CCDC175: variants seen among roughly 807,000 people sequenced by gnomAD.
CCDC175 encodes coiled-coil domain containing 175, also known as coiled-coil domain-containing protein 175.
CCDC175 carries 100 observed loss-of-function variants against 114.6 expected under a neutral mutation model. The observed-to-expected ratio is 0.87, with a 90% CI of 0.74 to 1.03. The LOEUF (loss-of-function observed/expected upper bound fraction) is 1.03, where lower values mean the gene tolerates loss of function less well. Among genes scored for constraint, CCDC175 ranks in the 50% least tolerant of loss-of-function variants. The pLI is 0.00. For synonymous variants in CCDC175, 306 were observed against 308.7 expected (o/e 0.99, Z 0.09); for missense variants, 880 against 917.8 (o/e 0.96, Z 0.53).
chr14:59,573,070 T>C (rs1896926293), intron 2 of CCDC175, among the ~76,000 whole-genome samples: 1 of 152,156 alleles, frequency 6.6e-6, no homozygotes, highest in Non-Finnish European at 1.5e-5. Context: ...ATCTGTTTCT[T>C]ATATGCAGTT....
At chr14:59,552,565 C>A (rs1265471757) in intron 7 of CCDC175, among the ~76,000 whole-genome samples, 1 of 152,148 alleles carries the variant, frequency 6.6e-6, no homozygotes, top group African/African-American at 2.4e-5. Context: ...GAGCACCTCC[C>A]CCCCTCCAAA....
chr14:59,510,451 G>A (rs1856584648), intron 19 of CCDC175, 195 bp downstream of exon 19: 1 of 527,958 alleles, frequency 1.9e-6, no homozygotes, highest in Non-Finnish European at 3.4e-6. Flanking sequence ...ATTCTCTTAG[G>A]TGAAAGGCAG....
intron 18 of CCDC175, among the ~76,000 whole-genome samples, chr14:59,511,136 T>G (rs918338686): frequency 6.6e-5 from 10 of 152,280 alleles, no homozygotes; most frequent in Non-Finnish European, 1.5e-4. Flanking sequence ...CAGAAGGAAC[T>G]TTGGAATCAG....
intron 15 of CCDC175, among the ~76,000 whole-genome samples, chr14:59,526,749 A>C (rs927944660): frequency 1.3e-5 from 2 of 152,180 alleles, no homozygotes; most frequent in African/African-American, 4.8e-5. Context: ...ACCCTTAAAA[A>C]GCAGAATCAA....
Position 59,572,689 on chromosome 14 carries a change from A to G in CCDC175, c.355+13T>C, listed in dbSNP as rs1480512450. On this transcript the variant is annotated intron_variant, in intron 3 of 19. Coordinates refer to ENST00000537690, the MANE Select transcript of CCDC175 (RefSeq NM_001164399.2). Reference sequence around the variant, plus strand: ...ATCAACTAAATTTCTAGAGTTGATAACCTCAAAAGTACCTTCCAATTCCCT... The same window carrying G: ...ATCAACTAAATTTCTAGAGTTGATAGCCTCAAAAGTACCTTCCAATTCCCT... 7.3e-7 allele frequency: 1 copy of G among 1,369,582 alleles called. No individual in the cohort carries two copies. Among genetic ancestry groups the G allele is most frequent in the Non-Finnish European group, 9.7e-7 (1 of 1,028,880 alleles). The allele number at this position is 1,369,582 out of a possible 1,614,324, so 84.8% of individuals were successfully genotyped here.
chr14:59,529,083 G>A (rs1387438629), intron 14 of CCDC175, among the ~76,000 whole-genome samples: 2 of 152,168 alleles, frequency 1.3e-5, no homozygotes, highest in Admixed American at 1.3e-4. Context: ...TCAATATACA[G>A]TGATCAGGAA....
intron 13 of CCDC175, among the ~76,000 whole-genome samples, chr14:59,533,014 A>G (rs1005199437): frequency 1.3e-5 from 2 of 152,238 alleles, no homozygotes; most frequent in Non-Finnish European, 2.9e-5. Flanking sequence ...TTAGCAGGGC[A>G]GTGCCAGGCA....
At chr14:59,535,602 G>T (rs552037378) in intron 13 of CCDC175, among the ~76,000 whole-genome samples, 1 of 152,240 alleles carries the variant, frequency 6.6e-6, no homozygotes, top group East Asian at 1.9e-4. Flanking sequence ...CTCCCTAATT[G>T]TTCTTCCTAT....
rs1362445752 is a variant in CCDC175, at chr14:59,505,152, A to G, written c.*87T>C. 1.7e-6 allele frequency: 1 copy of G among 588,138 alleles called. No individual in the cohort carries two copies. Among genetic ancestry groups the G allele is most frequent in the Non-Finnish European group, 2.8e-6 (1 of 359,314 alleles). The allele number at this position is 588,138 out of a possible 1,614,324, so 36.4% of individuals were successfully genotyped here. ...TAAATTTTAAATGTTTAAGACTTCTATTAACAGCTGCAAAATATGAAAGTA... is the reference window on the plus strand; with the variant it reads ...TAAATTTTAAATGTTTAAGACTTCTGTTAACAGCTGCAAAATATGAAAGTA... On this transcript the variant is annotated 3_prime_UTR_variant, in exon 20 of 20. Transcript: ENST00000537690.
At chr14:59,553,398 A>C (rs1895651987) in intron 7 of CCDC175, among the ~76,000 whole-genome samples, 1 of 152,358 alleles carries the variant, frequency 6.6e-6, no homozygotes, top group African/African-American at 2.4e-5. Context: ...AAAATCCTTT[A>C]CAGACAAGCA....
chr14:59,505,548 G>A (rs1273284650), intron 19 of CCDC175: 1 of 300,006 alleles, frequency 3.3e-6, no homozygotes, highest in African/African-American at 2.2e-5. Context: ...TAGCAGAAAA[G>A]TATATATGCA....
At chr14:59,542,849 A>G (rs752198959) in intron 10 of CCDC175, among the ~76,000 whole-genome samples, 1 of 152,092 alleles carries the variant, frequency 6.6e-6, no homozygotes, top group Non-Finnish European at 1.5e-5. Context: ...GTATAATCCA[A>G]TTTTTGGATA....
intron 17 of CCDC175, among the ~76,000 whole-genome samples, chr14:59,512,419 C>T (rs906229122): frequency 7.9e-5 from 12 of 152,214 alleles, no homozygotes; most frequent in African/African-American, 2.9e-4. Flanking sequence ...CTGGGTGAGC[C>T]TCCCTGGTTG....
intron 6 of CCDC175, 33 bp from the exon 7 acceptor site, chr14:59,561,261 A>G (rs745573911): frequency 8.6e-7 from 1 of 1,168,748 alleles, no homozygotes; most frequent in South Asian, 1.3e-5. Context: ...ATGGCATCCA[A>G]TCATCACCAA....
intron 4 of CCDC175, 141 bp from the exon 5 acceptor site, chr14:59,565,416 G>T: frequency 1.3e-6 from 1 of 765,106 alleles, no homozygotes; most frequent in Non-Finnish European, 2.0e-6. Flanking sequence ...GTCTAAACTT[G>T]GTTGAAGGCC....
At chr14:59,534,976 T>C (rs986214456) in intron 13 of CCDC175, among the ~76,000 whole-genome samples, 6 of 152,280 alleles carry the variant, frequency 3.9e-5, no homozygotes, top group Middle Eastern at 3.4e-3. Flanking sequence ...TTGGGTTCTG[T>C]TGATTTAGAG....
At chr14:59,517,424 T>C (rs528053537) in intron 17 of CCDC175, among the ~76,000 whole-genome samples, 10 of 152,286 alleles carry the variant, frequency 6.6e-5, no homozygotes, top group African/African-American at 1.7e-4. Flanking sequence ...GAAAACCCCA[T>C]TGTCTCAGCC....
chr14:59,550,625 C>T (rs1470392908), intron 8 of CCDC175, among the ~76,000 whole-genome samples: 3 of 152,082 alleles, frequency 2.0e-5, no homozygotes, highest in Admixed American at 6.6e-5. Flanking sequence ...CCACAATAGG[C>T]CATCTGCAAG....
intron 18 of CCDC175, 98 bp downstream of exon 18, chr14:59,511,662 G>T: frequency 2.1e-6 from 2 of 961,524 alleles, no homozygotes; most frequent in South Asian, 1.4e-5. Flanking sequence ...GTGCATGCAG[G>T]TGCACACAGA....
Sources: allele counts gnomAD v4.1 joint callset (sites outside exome capture counted in the v4.1 genomes callset), GRCh38; gene constraint gnomAD v4.1.1; transcripts MANE v1.5; gene names NCBI Gene and HGNC (gene_info 2026-07-23, HGNC 2026-07-21).